Variants in GARS1 observed in about 807,000 individuals in gnomAD.
The protein encoded by GARS1 is glycyl-tRNA synthetase 1.
Under a neutral mutation model 86.4 loss-of-function variants are expected in GARS1, and 46 were observed. The observed-to-expected ratio is 0.53, with a 90% confidence interval of 0.42 to 0.68. The LOEUF is 0.68. Among genes scored for constraint, GARS1 ranks in the 30% least tolerant of loss-of-function variants. The probability of loss-of-function intolerance (pLI) is 0.00; values close to 1 mark genes in which losing one functional copy is unlikely to be tolerated. For missense variants in GARS1, 797 were observed against 915.6 expected (o/e 0.87, Z 1.67); for synonymous variants, 342 against 329.8 (o/e 1.04, Z -0.40).
At chr7:30,606,978 T>G (rs1057101134) in intron 6 of GARS1, among the ~76,000 whole-genome samples, 2 of 152,240 alleles carry the variant, frequency 1.3e-5, no homozygotes, top group African/African-American at 4.8e-5. Context: ...ACATAATGAT[T>G]GATGTGCCTT....
chr7:30,612,040 T>C (rs1782767950), intron 7 of GARS1, 56 bp from the exon 8 acceptor site: 24 of 1,487,978 alleles, frequency 1.6e-5, no homozygotes, highest in Non-Finnish European at 2.1e-5. Context: ...AATTTCAGGA[T>C]TGTTGGAAAA....
chr7:30,598,934 G>T (rs1482122527), intron 2 of GARS1, 37 bp downstream of exon 2: 1 of 1,470,846 alleles, frequency 6.8e-7, no homozygotes, highest in Non-Finnish European at 9.5e-7. Context: ...ACATAAGTAG[G>T]TATAGGATTG....
intron 14 of GARS1, among the ~76,000 whole-genome samples, chr7:30,629,975 A>G (rs1562783265): frequency 6.6e-6 from 1 of 152,244 alleles, no homozygotes; most frequent in Admixed American, 6.5e-5. Context: ...GCTTTAATAG[A>G]AATTTCGTAA....
chr7:30,610,768 T>G (rs1200483023), intron 7 of GARS1, among the ~76,000 whole-genome samples: 1 of 152,240 alleles, frequency 6.6e-6, no homozygotes, highest in Non-Finnish European at 1.5e-5. Context: ...AATAACCTAT[T>G]CAGTAATTTG....
rs1554338260 is a variant in GARS1, at chr7:30,612,214, A to G, written c.1000A>G (p.Ile334Val). ...AQIGNSFRNEISPRSGLIRVR... is the reference protein window; with the variant it reads ...AQIGNSFRNEVSPRSGLIRVR... ...GATTGGAAATTCTTTTAGAAATGAG[A>G]TCTCCCCTCGATCTGGACTGATCAG... Residue 334 changes from isoleucine to valine, a missense_variant, in exon 8 of 17, where the codon ATC becomes GTC. Ile to Val is a conservative substitution (Grantham distance 29). Around this residue, in one of 2 missense-constraint regions of GARS1, gnomAD observed 598 missense variants for 738.7 expected, o/e 0.81. Transcript: ENST00000389266. 6 of 1,614,004 alleles carry G rather than the reference A, an allele frequency of 3.7e-6. No homozygotes were observed. The highest frequency in any genetic ancestry group is 5.1e-6 in the Non-Finnish European group (6 of 1,180,022).
rs1309618721 is a variant in GARS1 at position 30,601,067 on chromosome 7, G to A, written c.436G>A (p.Gly146Ser). ...QAFAIYGGVSGLYDFGPVGCA... is the reference protein window; with the variant it reads ...QAFAIYGGVSSLYDFGPVGCA... ...CCTCTCATATTCTATAGGTGTTAGT[G>A]GTCTGTATGACTTTGGGCCAGTTGG... The change falls in exon 4 of 17, where the codon GGT (glycine) becomes AGT (serine). Residue 146 changes from glycine (G) to serine (S), a missense_variant. Gly to Ser is a moderately conservative substitution (Grantham distance 56, BLOSUM62 0). This residue lies in a region of GARS1 where 598 missense variants were observed against 738.7 expected (regional missense o/e 0.81). Transcript: ENST00000389266. 1 of 1,613,708 alleles carries A rather than the reference G, an allele frequency of 6.2e-7. No homozygotes were observed. Among genetic ancestry groups the A allele is most frequent in the Non-Finnish European group, 8.5e-7 (1 of 1,179,822 alleles).
At chr7:30,616,425 C>T (rs957325319) in intron 9 of GARS1, among the ~76,000 whole-genome samples, 5 of 152,174 alleles carry the variant, frequency 3.3e-5, no homozygotes, top group East Asian at 1.9e-4. Context: ...CTGTATTACC[C>T]ATAGCAGTGG....
intron 14 of GARS1, among the ~76,000 whole-genome samples, chr7:30,629,661 A>G (rs1031247709): frequency 1.3e-5 from 2 of 152,210 alleles, no homozygotes; most frequent in African/African-American, 4.8e-5. Context: ...TTAGTCTGAC[A>G]CACTATTGTA....
rs954332750 is a variant in GARS1, at chr7:30,632,599, G to T, written c.2094+162G>T. On this transcript the variant is annotated intron_variant, in intron 16 of 16. Transcript: ENST00000389266. The surrounding 1 kb of genome is among the most constrained non-coding windows in gnomAD (Gnocchi z 4.1). ...CAGAGCCCAGATTCTCAAGTCCCCC[G>T]GTTTAATTATGAAAATATCCATTAG... 1.3e-5 allele frequency among the ~76,000 whole-genome samples: 2 copies of T among 151,702 alleles called. No homozygotes were observed. Among genetic ancestry groups the T allele is most frequent in the African/African-American group, 4.8e-5 (2 of 41,268 alleles).
intron 14 of GARS1, among the ~76,000 whole-genome samples, chr7:30,630,717 C>A (rs150946850): frequency 0.022 from 3,341 of 151,948 alleles, 48 homozygotes; most frequent in South Asian, 0.047. Flanking sequence ...GCCATGTTGC[C>A]CTGGCTGGTC....
Position 30,628,579 on chromosome 7 carries a change from T to G in GARS1, c.1719T>G (p.Asn573Lys), listed in dbSNP as rs1242186885. 1.9e-6 allele frequency: 3 copies of G among 1,611,536 alleles called. No homozygotes were observed. Among genetic ancestry groups the G allele is most frequent in the East Asian group, 2.2e-5 (1 of 44,844 alleles). The change falls in exon 14 of 17, where the codon AAT (asparagine) becomes AAG (lysine). Residue 573 changes from asparagine (N) to lysine (K), a missense_variant. Physicochemically the swap from Asn to Lys is moderately conservative, Grantham distance 94. Transcript: ENST00000389266. ...TTTCAGTGGAAGAAGTTGTTCCGAATGTAATTGAACCTTCCTTCGGCCTGG... is the reference window on the plus strand; with the variant it reads ...TTTCAGTGGAAGAAGTTGTTCCGAAGGTAATTGAACCTTCCTTCGGCCTGG... ...KTLYVEEVVP[N>K]VIEPSFGLGR...
At chr7:30,619,931 C>T (rs1302295328) in intron 10 of GARS1, among the ~76,000 whole-genome samples, 1 of 151,810 alleles carries the variant, frequency 6.6e-6, no homozygotes, top group African/African-American at 2.4e-5. Flanking sequence ...ATACATGGCA[C>T]TGCACCCAGC....
At chr7:30,611,471 G>A (rs1791596867) in intron 7 of GARS1, among the ~76,000 whole-genome samples, 1 of 152,090 alleles carries the variant, frequency 6.6e-6, no homozygotes, top group African/African-American at 2.4e-5. Flanking sequence ...GGGCACTATG[G>A]GAGAGGTGGT....
intron 6 of GARS1, among the ~76,000 whole-genome samples, chr7:30,607,031 A>G (rs1314010249): frequency 6.6e-6 from 1 of 152,206 alleles, no homozygotes; most frequent in African/African-American, 2.4e-5. Context: ...TGACAATACC[A>G]ACACCACCAT....
chr7:30,599,828 C>G lies in GARS1; in HGVS notation c.325-119C>G, dbSNP rs542721431. ...TCTATTGTTTTTAACCTATCAAAAT[C>G]TTGTCTGTTTGATAAATTTTATATT... On this transcript the variant is annotated intron_variant, in intron 2 of 16. Coordinates refer to ENST00000389266, the MANE Select transcript of GARS1 (RefSeq NM_002047.4). 134 of 684,182 alleles carry G rather than the reference C, an allele frequency of 2.0e-4. 3 individuals carry two copies. The South Asian group carries it at 2.4e-3, about 12-fold the overall frequency. 42.4% of individuals were successfully genotyped at this position (684,182 alleles called of 1,614,324 possible).
Position 30,615,809 on chromosome 7 carries a change from T to C in GARS1, c.1032-87T>C, listed in dbSNP as rs1053902945. The C allele has an allele frequency of 9.2e-6, 13 of 1,411,046 alleles. No homozygotes were observed. The African/African-American group carries it at 1.4e-4, about 15-fold the overall frequency. 87.4% of individuals were successfully genotyped at this position (1,411,046 alleles called of 1,614,324 possible). On this transcript the variant is annotated intron_variant, in intron 8 of 16. Transcript: ENST00000389266. ...TAGTATGGAGCCTTTATCACTAGAA[T>C]GCAGTTGAAAATAGAGGCCTTGTTT...
chr7:30,621,179 C>G (rs553427671), intron 10 of GARS1, among the ~76,000 whole-genome samples: 8 of 151,820 alleles, frequency 5.3e-5, no homozygotes, highest in Non-Finnish European at 1.0e-4. Flanking sequence ...TGAGCCATCA[C>G]ACCCAGATCA....
chr7:30,612,219 C>T lies in GARS1; in HGVS notation c.1005C>T (p.Ser335=). ...QIGNSFRNEI[S]PRSGLIRVRE... is the part of the protein sequence containing the mutation. ...GAAATTCTTTTAGAAATGAGATCTC[C>T]CCTCGATCTGGACTGATCAGAGTCA... is the stretch of plus-strand genomic sequence containing the variant. The change falls in exon 8 of 17, where the codon TCC becomes TCT. Residue 335 remains serine, a synonymous_variant. Transcript: ENST00000389266. The T allele has an allele frequency of 6.2e-7, 1 of 1,614,074 alleles. No homozygotes were observed. Among genetic ancestry groups the T allele is most frequent in the Non-Finnish European group, 8.5e-7 (1 of 1,180,004 alleles).
chr7:30,598,377 C>CTTTT (rs1174085518), intron 1 of GARS1, among the ~76,000 whole-genome samples: 474 of 99,214 alleles, frequency 4.8e-3, no homozygotes, highest in Middle Eastern at 0.014. Context: ...TTGCATCATT[C>CTTTT]TTTTTTTTTT....
Sources: allele counts gnomAD v4.1 joint callset (sites outside exome capture counted in the v4.1 genomes callset), GRCh38; gene constraint gnomAD v4.1.1; regional missense constraint gnomAD v4.1.1; non-coding constraint Gnocchi (gnomAD v3.1); transcripts MANE v1.5; gene names NCBI Gene and HGNC (gene_info 2026-07-23, HGNC 2026-07-21).